The following KCNC2 variants were observed in gnomAD, a reference collection of about 807,000 sequenced individuals.
The protein encoded by KCNC2 is potassium voltage-gated channel subfamily C member 2.
Under a neutral mutation model 44.5 loss-of-function variants are expected in KCNC2, and 21 were observed. The observed-to-expected ratio is 0.47, with a 90% CI of 0.33 to 0.68. The LOEUF (loss-of-function observed/expected upper bound fraction) is 0.68, where lower values mean the gene tolerates loss of function less well. Among genes scored for constraint, KCNC2 ranks in the 30% least tolerant of loss-of-function variants. KCNC2 has a pLI of 0.01. For missense variants in KCNC2, 589 were observed against 826.2 expected (o/e 0.71, Z 3.52); for synonymous variants, 391 against 339.1 (o/e 1.15, Z -1.68).
chr12:75,180,778 G>A (rs184504388), intron 2 of KCNC2, among the ~76,000 whole-genome samples: 1 of 152,014 alleles, frequency 6.6e-6, no homozygotes, highest in East Asian at 1.9e-4. Context: ...TTCCTACAGT[G>A]TGAAATAAAT....
intron 2 of KCNC2, among the ~76,000 whole-genome samples, chr12:75,106,179 T>G (rs879499561): frequency 6.6e-6 from 1 of 152,186 alleles, no homozygotes; most frequent in Admixed American, 6.5e-5. Context: ...GGATTTAAGA[T>G]TTAACCTTAG....
chr12:75,043,303 T>C, intron 4 of KCNC2, 62 bp from the exon 5 acceptor site: 1 of 1,596,442 alleles, frequency 6.3e-7, no homozygotes, highest in African/African-American at 1.3e-5. Flanking sequence ...AGACAAATAA[T>C]ACCATGCAGG....
chr12:75,117,096 A>C (rs1014308612), intron 2 of KCNC2, among the ~76,000 whole-genome samples: 1 of 152,058 alleles, frequency 6.6e-6, no homozygotes, highest in Non-Finnish European at 1.5e-5. Context: ...GTTTAAAAAA[A>C]AAATAAAGGA....
At chr12:75,118,387 A>G (rs1182619835) in intron 2 of KCNC2, among the ~76,000 whole-genome samples, 1 of 152,134 alleles carries the variant, frequency 6.6e-6, no homozygotes, top group Non-Finnish European at 1.5e-5. Context: ...ATTACAAATT[A>G]GCAAAATGAA....
At chr12:75,121,557 C>A (rs912344956) in intron 2 of KCNC2, among the ~76,000 whole-genome samples, 1 of 152,116 alleles carries the variant, frequency 6.6e-6, no homozygotes, top group Admixed American at 6.5e-5. Context: ...TGTCACAGGA[C>A]CATAATCACT....
At chr12:75,204,774 A>G (rs2031555060) in intron 2 of KCNC2, among the ~76,000 whole-genome samples, 1 of 152,122 alleles carries the variant, frequency 6.6e-6, no homozygotes, top group Admixed American at 6.5e-5. Context: ...TGCTCAGGTA[A>G]AAATATTAAG....
chr12:75,198,135 A>G (rs1323447257), intron 2 of KCNC2, among the ~76,000 whole-genome samples: 1 of 151,978 alleles, frequency 6.6e-6, no homozygotes, highest in East Asian at 1.9e-4. Context: ...ATACATTAAA[A>G]TATGTTTGAT....
chr12:75,153,807 A>G (rs557353513), intron 2 of KCNC2, among the ~76,000 whole-genome samples: 1 of 152,028 alleles, frequency 6.6e-6, no homozygotes, highest in Non-Finnish European at 1.5e-5. Flanking sequence ...AAATATATTT[A>G]TTATTCACTA....
intron 2 of KCNC2, among the ~76,000 whole-genome samples, chr12:75,109,490 G>T (rs895017125): frequency 6.6e-6 from 1 of 152,152 alleles, no homozygotes; most frequent in Non-Finnish European, 1.5e-5. Context: ...ACCTGTAGGA[G>T]AGCTGCAGCT....
intron 2 of KCNC2, among the ~76,000 whole-genome samples, chr12:75,070,429 C>T (rs1027229243): frequency 5.9e-5 from 8 of 135,704 alleles, no homozygotes; most frequent in Admixed American, 5.5e-4. Flanking sequence ...CCAGCTTGGG[C>T]AACAAGAACA....
chr12:75,080,476 A>G (rs1884394983), intron 2 of KCNC2, among the ~76,000 whole-genome samples: 1 of 152,180 alleles, frequency 6.6e-6, no homozygotes, highest in South Asian at 2.1e-4. Flanking sequence ...CTAGCCATGC[A>G]TAAAGGGAAC....
chr12:75,194,577 G>C (rs1224268156), intron 2 of KCNC2, among the ~76,000 whole-genome samples: 4 of 152,152 alleles, frequency 2.6e-5, no homozygotes, highest in African/African-American at 9.7e-5. Flanking sequence ...GTTTAGTTAA[G>C]TGCTATAATA....
chr12:75,186,239 T>G (rs2137677844), intron 2 of KCNC2, among the ~76,000 whole-genome samples: 1 of 152,168 alleles, frequency 6.6e-6, no homozygotes, highest in East Asian at 1.9e-4. Context: ...AAACATCTGG[T>G]GCATTTTGAA....
chr12:75,061,104 A>C (rs1312589366), intron 2 of KCNC2, among the ~76,000 whole-genome samples: 1 of 152,156 alleles, frequency 6.6e-6, no homozygotes, highest in African/African-American at 2.4e-5. Flanking sequence ...AGCTTGTAAC[A>C]GAGAGTTTTA....
intron 2 of KCNC2, among the ~76,000 whole-genome samples, chr12:75,188,354 TC>T (rs1259485185): frequency 1.3e-5 from 2 of 152,180 alleles, no homozygotes; most frequent in South Asian, 4.1e-4. Flanking sequence ...CTTTCCGAAT[TC>T]ACTTTAAAAC....
intron 2 of KCNC2, among the ~76,000 whole-genome samples, chr12:75,166,660 T>A (rs1015185225): frequency 6.6e-6 from 1 of 151,146 alleles, no homozygotes; most frequent in African/African-American, 2.4e-5. Flanking sequence ...TAGAGGCAAA[T>A]TGGAAGAGTT....
chr12:75,070,896 A>G (rs2137033296), intron 2 of KCNC2, among the ~76,000 whole-genome samples: 1 of 152,314 alleles, frequency 6.6e-6, no homozygotes, highest in Middle Eastern at 3.4e-3. Context: ...AAAATTGCAC[A>G]TTAAAAATAC....
chr12:75,079,809 A>G lies in KCNC2; in HGVS notation c.688-28492T>C, dbSNP rs982238625. Among the ~76,000 whole-genome samples, 3 of 152,170 alleles carry G rather than the reference A, an allele frequency of 2.0e-5. No individual in the cohort carries two copies. The South Asian group carries it at 6.2e-4, about 31-fold the overall frequency. The stretch of plus-strand genomic sequence containing the variant: ...AAAAGCTACGATAATTTTCTGAGAC[A>G]TACACTTTGGCATTTTGGACATAGA... On this transcript the variant is annotated intron_variant, in intron 2 of 4. Transcript: ENST00000549446.
intron 2 of KCNC2, among the ~76,000 whole-genome samples, chr12:75,097,095 C>T (rs1565851299): frequency 6.6e-6 from 1 of 151,284 alleles, no homozygotes; most frequent in African/African-American, 2.4e-5. Context: ...CAACAAACCA[C>T]AAAAAAAATT....
Sources: allele counts gnomAD v4.1 joint callset (sites outside exome capture counted in the v4.1 genomes callset), GRCh38; gene constraint gnomAD v4.1.1; transcripts MANE v1.5; gene names NCBI Gene and HGNC (gene_info 2026-07-23, HGNC 2026-07-21).